The following NCK2 variants were observed in gnomAD, a reference collection of about 807,000 sequenced individuals.
NCK2 encodes NCK adaptor protein 2.
In NCK2, 16 loss-of-function variants were observed where a neutral mutation model predicts 33.9. The observed-to-expected ratio is 0.47, with a 90% confidence interval of 0.32 to 0.72. The LOEUF is 0.72. NCK2 is among the 30% of genes least tolerant of loss of function. The pLI, the probability that NCK2 is intolerant of heterozygous loss-of-function variation, is 0.03. For synonymous variants in NCK2, 273 were observed against 239.9 expected (o/e 1.14, Z -1.27); for missense variants, 418 against 537.3 (o/e 0.78, Z 2.19).
chr2:105,800,588 G>T (rs1202957417), intron 1 of NCK2, among the ~76,000 whole-genome samples: 1 of 152,146 alleles, frequency 6.6e-6, no homozygotes, highest in Non-Finnish European at 1.5e-5. Flanking sequence ...AGCTGACATG[G>T]GGTTAGTCTC....
rs199651832 is a variant in NCK2 at position 105,881,969 on chromosome 2, G to A, written c.868G>A (p.Val290Met). The A allele has an allele frequency of 3.9e-6, 6 of 1,531,518 alleles. No individual in the cohort carries two copies. The highest frequency in any genetic ancestry group is 2.1e-5 in the Admixed American group (1 of 46,872). The allele number at this position is 1,531,518 out of a possible 1,614,324, so 94.9% of individuals were successfully genotyped here. Residue 290 changes from valine (V) to methionine (M), a missense_variant, in exon 4 of 5, where the codon GTG becomes ATG. By Grantham distance (21) the Val-to-Met change is conservative (BLOSUM62 1). Transcript: ENST00000233154. ...GGGCAGAGAGTGGTACTACGGGAAC[G>A]TGACGCGGCACCAGGCCGAGTGCGC... Reference protein sequence around the residue: ...FAGREWYYGNVTRHQAECALN... With the variant: ...FAGREWYYGNMTRHQAECALN...
chr2:105,745,331 C>G (rs1450278292), intron 1 of NCK2, among the ~76,000 whole-genome samples, 193 bp downstream of exon 1: 2 of 151,776 alleles, frequency 1.3e-5, no homozygotes, highest in African/African-American at 4.8e-5. Flanking sequence ...TGCCGGGCAC[C>G]TCCCGGCTCT....
At chr2:105,889,868 G>C (rs576020210) in intron 4 of NCK2, among the ~76,000 whole-genome samples, 8 of 152,266 alleles carry the variant, frequency 5.3e-5, no homozygotes, top group African/African-American at 1.9e-4. Context: ...TTACAGGTGT[G>C]AGCTTCCATG....
intron 1 of NCK2, among the ~76,000 whole-genome samples, chr2:105,811,019 C>CA (rs980966699): frequency 6.6e-4 from 101 of 151,972 alleles, no homozygotes; most frequent in African/African-American, 2.3e-3. Context: ...ACTAAAAATA[C>CA]AAAAAAGTAG....
At chr2:105,877,907 A>T (rs1353469358) in intron 3 of NCK2, among the ~76,000 whole-genome samples, 1 of 152,184 alleles carries the variant, frequency 6.6e-6, no homozygotes, top group Non-Finnish European at 1.5e-5. Context: ...GAAGTTGCCC[A>T]CTTTGTCACA....
chr2:105,861,622 C>T (rs776295166), intron 3 of NCK2, among the ~76,000 whole-genome samples: 22 of 150,330 alleles, frequency 1.5e-4, no homozygotes, highest in Non-Finnish European at 2.5e-4. Context: ...TCAAGCGATT[C>T]TCCTGCTTCA....
chr2:105,819,944 C>T (rs149022188), intron 2 of NCK2, among the ~76,000 whole-genome samples: 45 of 152,146 alleles, frequency 3.0e-4, no homozygotes, highest in African/African-American at 9.9e-4. Context: ...AAATATAGTC[C>T]CAGCCACCTT....
chr2:105,788,744 C>T (rs1391163391), intron 1 of NCK2, among the ~76,000 whole-genome samples: 1 of 151,770 alleles, frequency 6.6e-6, no homozygotes, highest in Non-Finnish European at 1.5e-5. Flanking sequence ...TGTTTGTTCT[C>T]CTTCATTCGT....
intron 3 of NCK2, among the ~76,000 whole-genome samples, chr2:105,878,720 A>G (rs1052224467): frequency 6.6e-6 from 1 of 152,210 alleles, no homozygotes; most frequent in African/African-American, 2.4e-5. Flanking sequence ...TTATTAAGTA[A>G]TTTGACTAAG....
chr2:105,838,008 A>T (rs1036535980), intron 2 of NCK2, among the ~76,000 whole-genome samples: 16 of 152,184 alleles, frequency 1.1e-4, no homozygotes, highest in Admixed American at 7.9e-4. Flanking sequence ...GTTTCTTTAC[A>T]AGTATATTTA....
intron 3 of NCK2, among the ~76,000 whole-genome samples, chr2:105,864,828 T>TAC (rs10524426): frequency 0.055 from 7,959 of 144,200 alleles, 246 homozygotes; most frequent in Non-Finnish European, 0.07. Flanking sequence ...CATGTGCATG[T>TAC]ACACACACAC....
At chr2:105,794,839 T>C (rs1691019798) in intron 1 of NCK2, among the ~76,000 whole-genome samples, 1 of 152,232 alleles carries the variant, frequency 6.6e-6, no homozygotes, top group Admixed American at 6.5e-5. Flanking sequence ...GCCTCCCGAA[T>C]AGTTTATTAT....
intron 3 of NCK2, among the ~76,000 whole-genome samples, chr2:105,875,776 C>T (rs1678212446): frequency 6.6e-6 from 1 of 152,174 alleles, no homozygotes; most frequent in Non-Finnish European, 1.5e-5. Context: ...CTTTATAAGT[C>T]AGTTGGTTTA....
At chr2:105,839,644 C>T (rs1193149202) in intron 2 of NCK2, among the ~76,000 whole-genome samples, 1 of 152,158 alleles carries the variant, frequency 6.6e-6, no homozygotes, top group East Asian at 1.9e-4. Context: ...TAGTTTTAGA[C>T]GTGAGATTTG....
At chr2:105,847,445 T>TA (rs1401787584) in intron 2 of NCK2, 1 of 152,188 alleles carries the variant, frequency 6.6e-6, no homozygotes, top group East Asian at 1.9e-4. Context: ...GTACTATAAT[T>TA]ACTGTTTAAG....
intron 4 of NCK2, 102 bp downstream of exon 4, chr2:105,882,151 AAGAG>A (rs1678531154): frequency 7.9e-7 from 1 of 1,273,674 alleles, no homozygotes; most frequent in Non-Finnish European, 1.0e-6. Context: ...GTACACTAGA[AAGAG>A]CGGGAGACGC....
At chr2:105,769,568 C>T (rs1201731673) in intron 1 of NCK2, among the ~76,000 whole-genome samples, 1 of 152,178 alleles carries the variant, frequency 6.6e-6, no homozygotes, top group Non-Finnish European at 1.5e-5. Flanking sequence ...GTTAGGCATC[C>T]ATGGCTGCAG....
At chr2:105,807,715 TTCCTTCCTTCCTTCTTTCC>T (rs1412736201) in intron 1 of NCK2, among the ~76,000 whole-genome samples, 1 of 136,984 alleles carries the variant, frequency 7.3e-6, no homozygotes, top group East Asian at 2.3e-4. Context: ...TTTTCCTTCC[TTCCTTCCTTCCTTCTTTCC>T]TTCCTTCCTT....
At chr2:105,842,781 G>A (rs765429457) in intron 2 of NCK2, among the ~76,000 whole-genome samples, 3 of 152,152 alleles carry the variant, frequency 2.0e-5, no homozygotes, top group Non-Finnish European at 4.4e-5. Flanking sequence ...GAATGCAGAG[G>A]TGGGGACGGG....
Sources: gnomAD v4.1 joint callset for allele counts (sites outside exome capture counted in the v4.1 genomes callset) on GRCh38, gnomAD v4.1.1 for gene constraint, MANE v1.5 for transcripts, NCBI Gene and HGNC (gene_info 2026-07-23, HGNC 2026-07-21) for gene names.